Variants in F8 observed in about 807,000 individuals in gnomAD.
F8 encodes the protein antihemophilic factor.
F8 carries 12 observed loss-of-function variants against 140.6 expected under a neutral mutation model. The ratio of observed to expected loss-of-function variants is 0.09; its 90% CI spans 0.05 to 0.14. The LOEUF (loss-of-function observed/expected upper bound fraction) is 0.14. Ranked by LOEUF, F8 falls within the 10% of genes least tolerant of loss-of-function variation. F8 has a pLI of 1.00. For missense variants in F8, 1,354 were observed against 1,720.7 expected (o/e 0.79, Z 3.77); for synonymous variants, 585 against 614.6 (o/e 0.95, Z 0.71).
intron 14 of F8, among the ~76,000 whole-genome samples, chrX:154,916,496 A>C (rs1243996813): frequency 9.0e-6 from 1 of 111,579 alleles, no homozygotes; most frequent in Non-Finnish European, 1.9e-5. Flanking sequence ...GGTCTGCTCA[A>C]GTTTTCTATT....
chrX:154,961,935 G>T (rs2073397331), intron 9 of F8, among the ~76,000 whole-genome samples: 1 of 111,254 alleles, frequency 9.0e-6, no homozygotes, highest in Non-Finnish European at 1.9e-5. Context: ...ACCATGGACT[G>T]GCTCTGGCCA....
intron 13 of F8, among the ~76,000 whole-genome samples, chrX:154,946,356 C>A (rs4898400): frequency 9.0e-6 from 1 of 111,233 alleles, no homozygotes; most frequent in Non-Finnish European, 1.9e-5. Context: ...AAAAACAGCA[C>A]GGTACTGGCA....
intron 25 of F8, among the ~76,000 whole-genome samples, chrX:154,859,169 CAGAG>C (rs1189923367): frequency 9.0e-6 from 1 of 111,131 alleles, no homozygotes; most frequent in Non-Finnish European, 1.9e-5. Flanking sequence ...TCCAGAGAGA[CAGAG>C]AGAGAGAGAC....
intron 6 of F8, among the ~76,000 whole-genome samples, chrX:154,984,332 T>C (rs1557284013): frequency 2.7e-5 from 3 of 112,212 alleles, no homozygotes; most frequent in Non-Finnish European, 3.8e-5. Context: ...ATGAGTTCTG[T>C]TCTGAGCCAT....
intron 6 of F8, among the ~76,000 whole-genome samples, chrX:154,970,740 A>C (rs1449008197): frequency 2.7e-5 from 3 of 111,557 alleles, no homozygotes; most frequent in African/African-American, 9.8e-5. Context: ...AGCTAAGTTC[A>C]AGGGGTACTT....
Position 154,862,188 on chromosome X carries a change from G to A in F8, c.6575-322C>T, listed in dbSNP as rs188068678. ...ACTACAGGCGCACACCACCACACCC[G>A]GCTAATTTTTTGTATTTTTAGTAGA... On this transcript the variant is annotated intron_variant, in intron 23 of 25. Transcript: ENST00000360256. Among the ~76,000 whole-genome samples, 148 of 109,789 alleles carry A rather than the reference G, an allele frequency of 1.3e-3. 1 individual carries two copies. The highest frequency in any genetic ancestry group is 2.5e-3 in the Non-Finnish European group (130 of 52,650).
At chrX:154,971,250 G>A (rs1238796601) in intron 6 of F8, among the ~76,000 whole-genome samples, 1 of 111,725 alleles carries the variant, frequency 9.0e-6, no homozygotes, top group Non-Finnish European at 1.9e-5. Context: ...TATATCGCCA[G>A]TCTAATTCCC....
intron 6 of F8, among the ~76,000 whole-genome samples, chrX:154,970,201 G>A (rs1251506690): frequency 8.9e-6 from 1 of 112,150 alleles, no homozygotes; most frequent in Non-Finnish European, 1.9e-5. Context: ...TATTTTACAA[G>A]TTTTAATTCA....
At chrX:154,866,016 T>C (rs1053617242) in intron 22 of F8, among the ~76,000 whole-genome samples, 1 of 111,227 alleles carries the variant, frequency 9.0e-6, no homozygotes, top group Non-Finnish European at 1.9e-5. Flanking sequence ...TCACTTTTGA[T>C]TTAAGGACAT....
rs2073028300 is a variant in F8 at position 154,904,592 on chromosome X, A to T, written c.5587-68T>A. On this transcript the variant is annotated intron_variant, in intron 16 of 25. Transcript: ENST00000360256. ...ACCTATGAACCAGAGTGGATTTCTC[A>T]TCAATTTTTATGCCAGTCCAACCTG... 5.1e-6 allele frequency: 5 copies of T among 984,092 alleles called. No individual in the cohort carries two copies. In the East Asian group the frequency reaches 1.5e-4, roughly 30 times the overall value. 81.1% of individuals were successfully genotyped at this position (984,092 alleles called of 1,213,427 possible).
chrX:154,911,329 A>T (rs1255726474), intron 14 of F8, among the ~76,000 whole-genome samples: 1 of 107,519 alleles, frequency 9.3e-6, no homozygotes, highest in African/African-American at 3.4e-5. Context: ...TTTTACACCT[A>T]TTAATCAACC....
At chrX:154,997,132 G>A (rs1421238671) in intron 2 of F8, 37 bp from the exon 3 acceptor site, 16 of 1,206,616 alleles carry the variant, frequency 1.3e-5, no homozygotes, top group Non-Finnish European at 1.7e-5. Context: ...GTTACTTGGG[G>A]ATAGTACTCC....
At chrX:154,993,846 T>C (rs2073602261) in intron 3 of F8, among the ~76,000 whole-genome samples, 1 of 112,527 alleles carries the variant, frequency 8.9e-6, no homozygotes, top group East Asian at 2.8e-4. Context: ...CTTTGTTCTT[T>C]CCTAGTGGTA....
At chrX:154,980,318 T>C (rs1557283415) in intron 6 of F8, among the ~76,000 whole-genome samples, 1 of 112,234 alleles carries the variant, frequency 8.9e-6, no homozygotes, top group East Asian at 2.8e-4. Context: ...TGTCATTTTT[T>C]ATTATACTTT....
intron 1 of F8, among the ~76,000 whole-genome samples, chrX:155,004,018 C>T (rs926129978): frequency 9.4e-6 from 1 of 106,911 alleles, no homozygotes; most frequent in Admixed American, 1.0e-4. Flanking sequence ...TAAAAAAACC[C>T]TACACCTAGG....
chrX:154,943,921 G>A (rs1325144801), intron 13 of F8, among the ~76,000 whole-genome samples: 5 of 111,847 alleles, frequency 4.5e-5, no homozygotes. Flanking sequence ...AGTGGGGAAA[G>A]GATTCCCTAT....
chrX:155,012,437 A>C (rs782795267), intron 1 of F8, among the ~76,000 whole-genome samples: 3 of 110,780 alleles, frequency 2.7e-5, no homozygotes, highest in Non-Finnish European at 5.7e-5. Flanking sequence ...CAGCCTTCCA[A>C]GTAGCTGGGA....
chrX:154,965,482 A>G (rs1046542090), intron 9 of F8, among the ~76,000 whole-genome samples: 1 of 111,607 alleles, frequency 9.0e-6, no homozygotes, highest in Non-Finnish European at 1.9e-5. Context: ...ATTTTTTGGA[A>G]AAGGCTGGAT....
chrX:154,837,708 A>G lies in F8; in HGVS notation c.6945T>C (p.Ser2315=), dbSNP rs1203747747. ...AGCGAGTCAGTAACGGTGGGTCTAGAGAGTTCACCACAGGTGTGAAGGAGT... is the reference window on the plus strand; with the variant it reads ...AGCGAGTCAGTAACGGTGGGTCTAGGGAGTTCACCACAGGTGTGAAGGAGT... ...NQDSFTPVVN[S]LDPPLLTRYL... Residue 2315 remains serine, a synonymous_variant, in exon 26 of 26, where the codon TCT becomes TCC. Coordinates refer to ENST00000360256, the MANE Select transcript of F8 (RefSeq NM_000132.4). The G allele has an allele frequency of 2.5e-6, 3 of 1,211,572 alleles. No individual in the cohort carries two copies. The highest frequency in any genetic ancestry group is 1.8e-5 in the South Asian group (1 of 56,977).
Sources: allele counts gnomAD v4.1 joint callset (sites outside exome capture counted in the v4.1 genomes callset), GRCh38; gene constraint gnomAD v4.1.1; transcripts MANE v1.5; gene names NCBI Gene and HGNC (gene_info 2026-07-23, HGNC 2026-07-21).